The following FTO variants were observed in gnomAD, a reference collection of about 807,000 sequenced individuals.
FTO encodes the protein FTO alpha-ketoglutarate dependent dioxygenase, also known as alpha-ketoglutarate-dependent dioxygenase FTO.
Under a neutral mutation model 63.9 loss-of-function variants are expected in FTO, and 47 were observed. The ratio of observed to expected loss-of-function variants is 0.74; its 90% confidence interval spans 0.58 to 0.94. The LOEUF (loss-of-function observed/expected upper bound fraction) is 0.94, where lower values mean the gene tolerates loss of function less well. Ranked by LOEUF, FTO falls within the 40% of genes least tolerant of loss-of-function variation. The pLI is 0.00. For missense variants in FTO, 562 were observed against 618.1 expected, an observed-to-expected ratio of 0.91 and a Z score of 0.96; for synonymous variants, 207 against 224.4, an observed-to-expected ratio of 0.92 and a Z score of 0.69.
At position 53,966,273 on chromosome 16, in the gene FTO, G is replaced by T. The variant is rs560640346; in HGVS notation, c.1364+32164G>T. On this transcript the variant is annotated intron_variant, in intron 8 of 8. Coordinates refer to ENST00000471389, the MANE Select transcript of FTO (RefSeq NM_001080432.3). The stretch of plus-strand genomic sequence containing the variant: ...AATTGTCTGCCCCTACCCTGTTCTG[G>T]AGAATCTTGTACCATCATTAAAATA... Among the ~76,000 whole-genome samples, 4 of 152,224 alleles carry T rather than the reference G, an allele frequency of 2.6e-5. No homozygotes were observed. In the South Asian group the frequency reaches 8.3e-4, roughly 32 times the overall value.
chr16:53,974,011 A>G (rs2083385154), intron 8 of FTO, among the ~76,000 whole-genome samples: 1 of 152,218 alleles, frequency 6.6e-6, no homozygotes, highest in African/African-American at 2.4e-5. Flanking sequence ...AAGTAAAGCC[A>G]GAAATTCACA....
chr16:54,100,868 G>A (rs1055669547), intron 8 of FTO, among the ~76,000 whole-genome samples: 2 of 152,168 alleles, frequency 1.3e-5, no homozygotes, highest in Admixed American at 6.5e-5. Flanking sequence ...GGCTTGGGAG[G>A]TGCCCTGGTG....
chr16:53,900,432 G>T lies in FTO; in HGVS notation c.1239+11481G>T, dbSNP rs773507469. Among the ~76,000 whole-genome samples, 6 of 152,132 alleles carry T rather than the reference G, an allele frequency of 3.9e-5. No individual in the cohort carries two copies. The South Asian group carries it at 6.2e-4, about 16-fold the overall frequency. On this transcript the variant is annotated intron_variant, in intron 7 of 8. Transcript: ENST00000471389. ...CTCTTGGTTTCCGTCTTTTAAATCT[G>T]AAAATTCAGAATCCTCTTCTCTTGC... is the stretch of plus-strand genomic sequence containing the variant.
At position 54,118,875 on chromosome 16, in the gene FTO, T is replaced by C. The variant is rs915014342; in HGVS notation, c.*6960T>C. The C allele has an allele frequency of 2.0e-5, 3 of 152,152 alleles. No individual in the cohort carries two copies. The highest frequency in any genetic ancestry group is 4.4e-5 in the Non-Finnish European group (3 of 68,022). 9.4% of individuals were successfully genotyped at this position (152,152 alleles called of 1,614,324 possible). ...GAAAAAGGCTTTGTAAATGCTAAAG[T>C]CCTACTCAAGTCCAAGGGAGAGAAA... On this transcript the variant is annotated 3_prime_UTR_variant, in exon 9 of 9. Coordinates refer to ENST00000471389, the MANE Select transcript of FTO (RefSeq NM_001080432.3).
intron 1 of FTO, among the ~76,000 whole-genome samples, chr16:53,743,748 A>G (rs1028419973): frequency 3.3e-5 from 5 of 151,758 alleles, no homozygotes; most frequent in African/African-American, 1.2e-4. Context: ...ACTTACATGT[A>G]TTATCTCCTA....
At chr16:54,055,090 C>T (rs772522381) in intron 8 of FTO, among the ~76,000 whole-genome samples, 9 of 152,188 alleles carry the variant, frequency 5.9e-5, no homozygotes, top group Non-Finnish European at 1.2e-4. Flanking sequence ...ATTAATTTAG[C>T]TTCCGTTAGT....
At chr16:53,913,958 G>A (rs58063519) in intron 7 of FTO, among the ~76,000 whole-genome samples, 26,156 of 150,770 alleles carry the variant, frequency 0.17, 2,993 homozygotes, top group African/African-American at 0.32. Context: ...CGGCTTGGGC[G>A]GCAGAGTGAG....
intron 8 of FTO, among the ~76,000 whole-genome samples, chr16:54,075,556 T>G (rs1209492135): frequency 6.6e-6 from 1 of 152,268 alleles, no homozygotes; most frequent in Non-Finnish European, 1.5e-5. Context: ...AGGACTTTTC[T>G]AAAAGATGAT....
chr16:53,769,528 A>G (rs1173030684), intron 1 of FTO, among the ~76,000 whole-genome samples: 1 of 152,202 alleles, frequency 6.6e-6, no homozygotes, highest in Non-Finnish European at 1.5e-5. Flanking sequence ...ACTGCGATAC[A>G]AGTGTTAGAT....
chr16:54,079,349 G>A (rs965376851), intron 8 of FTO, among the ~76,000 whole-genome samples: 1 of 152,154 alleles, frequency 6.6e-6, no homozygotes, highest in Non-Finnish European at 1.5e-5. Context: ...ATCGTCCTAC[G>A]TTTTCTGGGT....
intron 8 of FTO, among the ~76,000 whole-genome samples, chr16:53,964,482 G>T (rs753872850): frequency 6.6e-6 from 1 of 152,164 alleles, no homozygotes; most frequent in Non-Finnish European, 1.5e-5. Flanking sequence ...TAAATTGCTG[G>T]TGAGAGAGAT....
Position 54,117,387 on chromosome 16 carries a change from G to C in FTO, c.*5472G>C, listed in dbSNP as rs1423063204. ...AATCACTTAACCCCTCTGCGCTCCA[G>C]TCTTTGTTTCTATAATGGGGATGAT... On this transcript the variant is annotated 3_prime_UTR_variant, in exon 9 of 9. Transcript: ENST00000471389. 6.6e-6 allele frequency: 1 copy of C among 152,128 alleles called. No homozygotes were observed. The highest frequency in any genetic ancestry group is 1.5e-5 in the Non-Finnish European group (1 of 68,040). The allele number at this position is 152,128 out of a possible 1,614,324, so 9.4% of individuals were successfully genotyped here. A position where few individuals can be genotyped will look rare whatever the true frequency, so the allele number is the denominator to read the frequency against.
intron 7 of FTO, among the ~76,000 whole-genome samples, chr16:53,905,979 C>T (rs2081528185): frequency 6.6e-6 from 1 of 152,154 alleles, no homozygotes; most frequent in African/African-American, 2.4e-5. Flanking sequence ...AATAATTATC[C>T]ATTACTAACT....
In FTO at chr16:53,826,118, A is replaced by G; in HGVS notation, c.378A>G (p.Lys126=). The G allele has an allele frequency of 6.2e-7, 1 of 1,614,116 alleles. No individual in the cohort carries two copies. The highest frequency in any genetic ancestry group is 8.5e-7 in the Non-Finnish European group (1 of 1,180,028). The change falls in exon 3 of 9, where the codon AAA becomes AAG. Residue 126 remains lysine (K), a synonymous_variant. Coordinates refer to ENST00000471389, the MANE Select transcript of FTO (RefSeq NM_001080432.3). ...VPWPVKGSNI[K]HTEAEIAAAC... The stretch of plus-strand genomic sequence containing the variant: ...GGCCAGTGAAAGGGTCTAATATAAA[A>G]CACACCGAGGCTGAAATAGCCGCTG...
At chr16:53,765,656 G>T (rs1444670038) in intron 1 of FTO, among the ~76,000 whole-genome samples, 1 of 152,050 alleles carries the variant, frequency 6.6e-6, no homozygotes, top group African/African-American at 2.4e-5. Context: ...GAGGGGAGGG[G>T]ACTGCTTTAG....
chr16:53,791,767 A>G (rs1325170348), intron 1 of FTO, among the ~76,000 whole-genome samples: 1 of 152,230 alleles, frequency 6.6e-6, no homozygotes, highest in Non-Finnish European at 1.5e-5. Context: ...TTCAATCAAG[A>G]AAGCATGATA....
At chr16:53,743,158 CT>C (rs1366474916) in intron 1 of FTO, among the ~76,000 whole-genome samples, 1 of 152,092 alleles carries the variant, frequency 6.6e-6, no homozygotes, top group African/African-American at 2.4e-5. Context: ...TGAAATGCCC[CT>C]TCATTTGCTA....
intron 7 of FTO, among the ~76,000 whole-genome samples, chr16:53,931,623 T>G (rs796729815): frequency 5.9e-5 from 9 of 152,230 alleles, no homozygotes; most frequent in African/African-American, 2.2e-4. Context: ...AGTACTTGAC[T>G]TTTTGAGGTT....
At chr16:53,804,278 T>C (rs2078297701) in intron 1 of FTO, among the ~76,000 whole-genome samples, 1 of 152,218 alleles carries the variant, frequency 6.6e-6, no homozygotes, top group Admixed American at 6.5e-5. Context: ...TTGCCTAATA[T>C]CTGCATAGTT....
Sources: gnomAD v4.1 joint callset for allele counts (sites outside exome capture counted in the v4.1 genomes callset) on GRCh38, gnomAD v4.1.1 for gene constraint, MANE v1.5 for transcripts, NCBI Gene and HGNC (gene_info 2026-07-23, HGNC 2026-07-21) for gene names.